USP42: variants seen among roughly 807,000 people sequenced by gnomAD.
USP42 encodes ubiquitin carboxyl-terminal hydrolase 42.
USP42 carries 23 observed loss-of-function variants against 113.0 expected under a neutral mutation model. The ratio of observed to expected loss-of-function variants is 0.20; its 90% CI spans 0.15 to 0.29. The LOEUF (loss-of-function observed/expected upper bound fraction) is 0.29, where lower values mean the gene tolerates loss of function less well. USP42 is among the 10% of genes least tolerant of loss of function. The pLI is 1.00. For synonymous variants in USP42, 933 were observed against 699.0 expected (o/e 1.33, Z -5.28); for missense variants, 2,174 against 1,779.8 (o/e 1.22, Z -3.99).
In USP42 at chr7:6,159,326, G is replaced by A; in HGVS notation, c.3944-124G>A. Reference sequence around the variant, plus strand: ...TCCCTGCTCACCTCACTGGGGAGTGGCCTCAGGCGCTCACAGGGAACCGCA... The same window carrying A: ...TCCCTGCTCACCTCACTGGGGAGTGACCTCAGGCGCTCACAGGGAACCGCA... On this transcript the variant is annotated intron_variant, in intron 16 of 17. Coordinates refer to ENST00000306177, the MANE Select transcript of USP42 (RefSeq NM_032172.3). This position sits in a 1 kb window ranked among gnomAD's most constrained non-coding sequence, Gnocchi z 4.1. 7.8e-7 allele frequency: 1 copy of A among 1,274,694 alleles called. No individual in the cohort carries two copies. The highest frequency in any genetic ancestry group is 1.3e-5 in the South Asian group (1 of 76,090). The allele number at this position is 1,274,694 out of a possible 1,614,324, so 79.0% of individuals were successfully genotyped here.
chr7:6,111,195 G>A lies in USP42; in HGVS notation c.62G>A (p.Gly21Asp), dbSNP rs756996497. ...CCATCAGCCTATCAGAATCAGCCTG[G>A]CAGCTCCGAGGCAGTCTCACCTGGA... ...SDPSAYQNQPGSSEAVSPGDM... is the reference protein window; with the variant it reads ...SDPSAYQNQPDSSEAVSPGDM... The change falls in exon 2 of 18, where the codon GGC (glycine) becomes GAC (aspartate). Residue 21 changes from glycine to aspartate, a missense_variant. Physicochemically the swap from Gly to Asp is moderately conservative, Grantham distance 94. Coordinates refer to ENST00000306177, the MANE Select transcript of USP42 (RefSeq NM_032172.3). The A allele has an allele frequency of 6.2e-7, 1 of 1,612,218 alleles. No individual in the cohort carries two copies. Among genetic ancestry groups the A allele is most frequent in the East Asian group, 2.2e-5 (1 of 44,864 alleles).
At chr7:6,085,911 C>G in the USP42 span, among the ~76,000 whole-genome samples, 4 of 151,080 alleles carry the variant, frequency 2.6e-5, no homozygotes, top group Admixed American at 2.0e-4. Context: ...CCGTGCCCAG[C>G]CTATTAGTCT....
In USP42 at chr7:6,149,901, G is replaced by T. The variant is rs1010791594; in HGVS notation, c.1705G>T (p.Ala569Ser). Reference protein sequence around the residue: ...TNSAVQSTSNASTMSVSSKVT... With the variant: ...TNSAVQSTSNSSTMSVSSKVT... ...TTCTGCAGTACAGTCTACCTCGAAC[G>T]CATCTACGATGTCAGTTTCTAGTAA... The change falls in exon 13 of 18, where the codon GCA becomes TCA. Residue 569 changes from alanine to serine, a missense_variant. Ala to Ser is a moderately conservative substitution (Grantham distance 99). Transcript: ENST00000306177. 6.2e-7 allele frequency: 1 copy of T among 1,613,998 alleles called. No homozygotes were observed. The highest frequency in any genetic ancestry group is 8.5e-7 in the Non-Finnish European group (1 of 1,179,898).
At chr7:6,081,524 T>A in the USP42 span, 1 of 152,390 alleles carries the variant, frequency 6.6e-6, no homozygotes, top group Admixed American at 6.5e-5. Flanking sequence ...TCTCCAGACG[T>A]AAGACCCGCC....
chr7:6,152,788 A>G (rs1445178579), intron 14 of USP42, among the ~76,000 whole-genome samples: 3 of 152,252 alleles, frequency 2.0e-5, no homozygotes, highest in African/African-American at 7.2e-5. Flanking sequence ...AATTTACTAC[A>G]GAACGTTTTG....
At chr7:6,112,204 T>C (rs934160706) in intron 2 of USP42, among the ~76,000 whole-genome samples, 5 of 152,140 alleles carry the variant, frequency 3.3e-5, no homozygotes, top group African/African-American at 1.2e-4. Context: ...ATCCCAGCAC[T>C]TTGGGAGGCC....
Position 6,154,431 on chromosome 7 carries a change from C to T in USP42, c.2877C>T (p.Arg959=). 6.4e-7 allele frequency: 1 copy of T among 1,572,608 alleles called. No individual in the cohort carries two copies. The highest frequency in any genetic ancestry group is 8.6e-7 in the Non-Finnish European group (1 of 1,160,658). ...GCCACTACCGCAGCCGGAGAGAGCG[C>T]TCGTCCAGCGGGGAGCCCGCCAGAG... The part of the protein sequence containing the change: ...DRGHYRSRRE[R]SSSGEPARES... Residue 959 remains arginine, a synonymous_variant, in exon 15 of 18, where the codon CGC becomes CGT. Transcript: ENST00000306177.
chr7:6,132,173 G>A (rs994697646), intron 3 of USP42, among the ~76,000 whole-genome samples: 5 of 152,054 alleles, frequency 3.3e-5, no homozygotes, highest in Admixed American at 3.3e-4. Context: ...CGATCCACCC[G>A]CCTTGGCTTC....
rs10225119 is a variant in USP42 at position 6,145,563 on chromosome 7, A to C, written c.1038A>C (p.Gln346His). The part of the protein sequence containing the change: ...EYLDIRPYMS[Q>H]PNGEPIVYVL... The stretch of plus-strand genomic sequence containing the variant: ...TTGATATTCGGCCATATATGTCTCA[A>C]CCCAACGGAGAGCCAATTGTCTACG... The change falls in exon 10 of 18, where the codon CAA becomes CAC. Residue 346 changes from glutamine (Q) to histidine (H), a missense_variant. Transcript: ENST00000306177. 4 of 1,613,788 alleles carry C rather than the reference A, an allele frequency of 2.5e-6. No individual in the cohort carries two copies. Among genetic ancestry groups the C allele is most frequent in the Non-Finnish European group, 2.5e-6 (3 of 1,179,846 alleles).
chr7:6,084,876 G>A, the USP42 span, among the ~76,000 whole-genome samples: 1 of 150,308 alleles, frequency 6.7e-6, no homozygotes, highest in Non-Finnish European at 1.5e-5. Flanking sequence ...GTGCCATCAT[G>A]CCTGGCTAAT....
intron 4 of USP42, among the ~76,000 whole-genome samples, chr7:6,136,224 A>G (rs7810368): frequency 0.27 from 41,424 of 151,624 alleles, 7,660 homozygotes; most frequent in East Asian, 0.75. Flanking sequence ...GGCTGGTCTC[A>G]AACTCCTGAC....
At chr7:6,137,389 C>T (rs968331136) in intron 4 of USP42, among the ~76,000 whole-genome samples, 1 of 152,242 alleles carries the variant, frequency 6.6e-6, no homozygotes, top group East Asian at 1.9e-4. Context: ...GATGGAGTCT[C>T]GCTCTGTCCC....
intron 4 of USP42, among the ~76,000 whole-genome samples, chr7:6,136,792 T>C (rs1781174585): frequency 6.6e-6 from 1 of 151,710 alleles, no homozygotes; most frequent in Non-Finnish European, 1.5e-5. Context: ...AGGTTAATTC[T>C]CTTTTTTCGG....
intron 14 of USP42, among the ~76,000 whole-genome samples, chr7:6,153,234 C>T (rs886774108): frequency 2.6e-5 from 4 of 151,644 alleles, no homozygotes; most frequent in African/African-American, 9.7e-5. Flanking sequence ...GATCACACCA[C>T]TGCGCTCCAG....
Position 6,132,774 on chromosome 7 carries a change from C to G in USP42, c.443-3067C>G, listed in dbSNP as rs373310797. Among the ~76,000 whole-genome samples, 27 of 151,304 alleles carry G rather than the reference C, an allele frequency of 1.8e-4. No homozygotes were observed. The East Asian group carries it at 3.1e-3, about 18-fold the overall frequency. On this transcript the variant is annotated intron_variant, in intron 3 of 17. Coordinates refer to ENST00000306177, the MANE Select transcript of USP42 (RefSeq NM_032172.3). ...GCAACCTCCGCCTCCCGGGTTCACGCCATTCTCCTGCCTCAGCCTCCTGAG... is the reference window on the plus strand; with the variant it reads ...GCAACCTCCGCCTCCCGGGTTCACGGCATTCTCCTGCCTCAGCCTCCTGAG...
At chr7:6,130,507 G>C (rs1016209007) in intron 3 of USP42, among the ~76,000 whole-genome samples, 2 of 152,136 alleles carry the variant, frequency 1.3e-5, no homozygotes, top group Admixed American at 1.3e-4. Flanking sequence ...GGAAATCTGG[G>C]CTCCCCACAT....
chr7:6,114,648 G>A (rs866273383), intron 2 of USP42, among the ~76,000 whole-genome samples: 4 of 59,398 alleles, frequency 6.7e-5, no homozygotes, highest in African/African-American at 3.6e-4. Context: ...ATATATGTAT[G>A]TGTGTGTGTA....
chr7:6,160,415 GGAAGGCAGA>G (rs56943349), intron 17 of USP42, 131 bp from the exon 18 acceptor site: 44,790 of 152,304 alleles, frequency 0.29, 8,793 homozygotes, highest in African/African-American at 0.57. Flanking sequence ...TTTCCACTCA[GGAAGGCAGA>G]GAAGGCAGAG....
intron 4 of USP42, among the ~76,000 whole-genome samples, chr7:6,136,793 C>T (rs1475851967): frequency 4.6e-5 from 7 of 150,970 alleles, no homozygotes; most frequent in Non-Finnish European, 8.9e-5. Flanking sequence ...GGTTAATTCT[C>T]TTTTTTCGGT....
Sources: gnomAD v4.1 joint callset for allele counts (sites outside exome capture counted in the v4.1 genomes callset) on GRCh38, gnomAD v4.1.1 for gene constraint, Gnocchi (gnomAD v3.1) non-coding constraint, MANE v1.5 for transcripts, NCBI Gene and HGNC (gene_info 2026-07-23, HGNC 2026-07-21) for gene names.